Variants in DSE observed in about 807,000 individuals in gnomAD.
DSE encodes dermatan sulfate epimerase.
In DSE, 36 loss-of-function variants were observed where a neutral mutation model predicts 84.4. The ratio of observed to expected loss-of-function variants is 0.43; its 90% CI spans 0.33 to 0.56. The LOEUF (loss-of-function observed/expected upper bound fraction) is 0.56. Ranked by LOEUF, DSE falls within the 20% of genes least tolerant of loss-of-function variation. DSE has a pLI of 0.06. For missense variants in DSE, 862 were observed against 1,169.6 expected, an observed-to-expected ratio of 0.74 and a Z score of 3.84; for synonymous variants, 410 against 430.1, an observed-to-expected ratio of 0.95 and a Z score of 0.58.
intron 2 of DSE, among the ~76,000 whole-genome samples, chr6:116,275,455 T>G (rs1773089596): frequency 6.6e-6 from 1 of 152,236 alleles, no homozygotes; most frequent in Admixed American, 6.5e-5. Context: ...TTCTTTTTCC[T>G]CCATCTGAGT....
intron 2 of DSE, among the ~76,000 whole-genome samples, chr6:116,336,900 A>G (rs187132717): frequency 9.4e-4 from 143 of 152,308 alleles, no homozygotes; most frequent in African/African-American, 3.2e-3. Flanking sequence ...AAGAATCATT[A>G]AATAATAATT....
chr6:116,365,825 TCTC>T (rs1166345537), upstream of DSE, among the ~76,000 whole-genome samples: 3 of 152,198 alleles, frequency 2.0e-5, no homozygotes, highest in Admixed American at 6.5e-5. Flanking sequence ...ACAATCCTTA[TCTC>T]CTCCTGAAGA....
At chr6:116,279,371 C>G in intron 2 of DSE, 3 of 1,612,480 alleles carry the variant, frequency 1.9e-6, no homozygotes, top group Non-Finnish European at 2.5e-6. Context: ...GTCTTCACCT[C>G]CTCCGCCTCA....
chr6:116,368,314 C>A (rs937534101), upstream of DSE, among the ~76,000 whole-genome samples: 2 of 152,200 alleles, frequency 1.3e-5, no homozygotes, highest in Non-Finnish European at 2.9e-5. Flanking sequence ...CAGTAGCATT[C>A]AAATCCAGTG....
chr6:116,433,381 A>G lies in DSE; in HGVS notation c.949A>G (p.Asn317Asp). 1.3e-6 allele frequency: 2 copies of G among 1,551,652 alleles called. No individual in the cohort carries two copies. Among genetic ancestry groups the G allele is most frequent in the Non-Finnish European group, 1.7e-6 (2 of 1,146,974 alleles). Residue 317 changes from asparagine to aspartate, a missense_variant, in exon 5 of 6, where the codon AAC (asparagine) becomes GAC (aspartate). Physicochemically the swap from Asn to Asp is conservative, Grantham distance 23 (BLOSUM62 1). Coordinates refer to ENST00000644252, the MANE Select transcript of DSE (RefSeq NM_013352.4). ...RTVAIADSNYNWFYGPESQLV... is the reference protein window; with the variant it reads ...RTVAIADSNYDWFYGPESQLV... ...TGTGGCTATTGCGGACTCAAATTAC[A>G]ACTGGTTTTATGGTCCAGAAAGCCA...
At chr6:116,333,662 A>T (rs570270685) in intron 2 of DSE, among the ~76,000 whole-genome samples, 1 of 152,312 alleles carries the variant, frequency 6.6e-6, no homozygotes, top group East Asian at 1.9e-4. Flanking sequence ...TAAATCCATG[A>T]ATCTACTAAG....
chr6:116,316,826 C>CTACTACTATTATTATTATTAT (rs59889768), intron 2 of DSE, among the ~76,000 whole-genome samples: 12 of 145,868 alleles, frequency 8.2e-5, no homozygotes, highest in African/African-American at 3.1e-4. Context: ...ACTACTACTA[C>CTACTACTATTATTATTATTAT]TATTATTATT....
At chr6:116,417,248 C>A (rs937997168) in intron 2 of DSE, among the ~76,000 whole-genome samples, 2 of 152,100 alleles carry the variant, frequency 1.3e-5, no homozygotes, top group African/African-American at 4.8e-5. Flanking sequence ...TTGTTTGATT[C>A]CATTTAAATA....
chr6:116,348,048 G>C (rs546231409), intron 2 of DSE, among the ~76,000 whole-genome samples: 15 of 152,152 alleles, frequency 9.9e-5, no homozygotes, highest in Non-Finnish European at 2.1e-4. Flanking sequence ...TTAAAAAATG[G>C]TCATCATCAC....
At chr6:116,322,703 TAA>T (rs1186889680) in intron 2 of DSE, among the ~76,000 whole-genome samples, 1 of 152,222 alleles carries the variant, frequency 6.6e-6, no homozygotes, top group Non-Finnish European at 1.5e-5. Context: ...CAACCAGTGA[TAA>T]GATTTAAATG....
intron 2 of DSE, among the ~76,000 whole-genome samples, chr6:116,317,403 G>T (rs924303911): frequency 6.6e-6 from 1 of 152,204 alleles, no homozygotes; most frequent in Non-Finnish European, 1.5e-5. Context: ...ATTCCGGGAA[G>T]TTACTCTTGG....
intron 2 of DSE, among the ~76,000 whole-genome samples, chr6:116,343,012 C>G (rs1777707017): frequency 6.6e-6 from 1 of 152,150 alleles, no homozygotes; most frequent in Non-Finnish European, 1.5e-5. Flanking sequence ...GTGCCTGGCT[C>G]CGAGGGTCCC....
intron 2 of DSE, among the ~76,000 whole-genome samples, chr6:116,352,358 T>C (rs1778355000): frequency 2.0e-5 from 3 of 152,152 alleles, no homozygotes; most frequent in African/African-American, 7.2e-5. Flanking sequence ...CAGAACCATT[T>C]TTTCTCTTGA....
chr6:116,432,203 T>G (rs1386184636), intron 4 of DSE, among the ~76,000 whole-genome samples: 1 of 152,230 alleles, frequency 6.6e-6, no homozygotes, highest in Non-Finnish European at 1.5e-5. Context: ...TTAAGAGGTT[T>G]CAGTGCTTTG....
chr6:116,425,623 TA>T (rs1562303920), intron 2 of DSE, among the ~76,000 whole-genome samples: 47 of 127,698 alleles, frequency 3.7e-4, no homozygotes, highest in South Asian at 1.9e-3. Flanking sequence ...ATTTTTATTT[TA>T]TTTTATTTTT....
At chr6:116,336,575 C>G (rs910057386) in intron 2 of DSE, among the ~76,000 whole-genome samples, 1 of 151,912 alleles carries the variant, frequency 6.6e-6, no homozygotes, top group Non-Finnish European at 1.5e-5. Flanking sequence ...GACCAACATG[C>G]AGAAAACCCG....
chr6:116,278,937 T>G (rs1391041918), intron 2 of DSE: 1 of 1,614,132 alleles, frequency 6.2e-7, no homozygotes. Flanking sequence ...TTAACATCTC[T>G]GCATCTTGGC....
rs777427573 is a variant in DSE, at chr6:116,442,341, G to C, written c.*4996G>C. 8 of 152,264 alleles carry C rather than the reference G, an allele frequency of 5.3e-5. No individual in the cohort carries two copies. Among genetic ancestry groups the C allele is most frequent in the Non-Finnish European group, 8.8e-5 (6 of 68,112 alleles). The allele number at this position is 152,264 out of a possible 1,614,324, so 9.4% of individuals were successfully genotyped here. A position where few individuals can be genotyped will look rare whatever the true frequency, so the allele number is the denominator to read the frequency against. Reference sequence around the variant, plus strand: ...ATGAACTGAGATGTGGCTGACTGCAGGAGGAATAAGTAGTAGGAAGCGGGT... The same window carrying C: ...ATGAACTGAGATGTGGCTGACTGCACGAGGAATAAGTAGTAGGAAGCGGGT... On this transcript the variant is annotated 3_prime_UTR_variant, in exon 6 of 6. Coordinates refer to ENST00000644252, the MANE Select transcript of DSE (RefSeq NM_013352.4).
rs762286313 is a variant in DSE at position 116,362,007 on chromosome 6, A to ATT, written c.-53-37190_-53-37189insTT. On this transcript the variant is annotated intron_variant, in intron 2 of 3. Transcript: ENST00000430252. ...TTTGTATATGTCATTATATTAAAAT[A>ATT]TATACCGTTTTAGACTGTAAAGACC... Among the ~76,000 whole-genome samples the ATT allele has an allele frequency of 6.9e-4, 105 of 152,336 alleles. 1 individual carries two copies. The Middle Eastern group carries it at 0.01, about 15-fold the overall frequency.
Sources: allele counts gnomAD v4.1 joint callset (sites outside exome capture counted in the v4.1 genomes callset), GRCh38; gene constraint gnomAD v4.1.1; transcripts MANE v1.5; gene names NCBI Gene and HGNC (gene_info 2026-07-23, HGNC 2026-07-21).